MBOAT2: variants seen among roughly 807,000 people sequenced by gnomAD.
MBOAT2 encodes the protein membrane bound glycerophospholipid O-acyltransferase 2, also known as membrane-bound glycerophospholipid O-acyltransferase 2.
Under a neutral mutation model 63.4 loss-of-function variants are expected in MBOAT2, and 28 were observed. That is an observed-to-expected ratio of 0.44 (90% CI 0.33 to 0.61). The LOEUF is 0.61. Among genes scored for constraint, MBOAT2 ranks in the 20% least tolerant of loss-of-function variants. The pLI is 0.03. For missense variants in MBOAT2, 470 were observed against 605.8 expected (o/e 0.78, Z 2.35); for synonymous variants, 211 against 215.6 (o/e 0.98, Z 0.19).
chr2:8,964,604 T>C (rs1208886309), intron 1 of MBOAT2, among the ~76,000 whole-genome samples: 2 of 151,984 alleles, frequency 1.3e-5, no homozygotes, highest in African/African-American at 4.8e-5. Flanking sequence ...TATTTACTCA[T>C]CTTGTGTATT....
At chr2:8,950,016 C>G (rs536005177) in intron 2 of MBOAT2, among the ~76,000 whole-genome samples, 1 of 152,254 alleles carries the variant, frequency 6.6e-6, no homozygotes, top group Admixed American at 6.5e-5. Flanking sequence ...TGAAGCTCTC[C>G]TTGTAAAGAT....
chr2:8,954,278 C>T (rs935746025), intron 2 of MBOAT2, among the ~76,000 whole-genome samples: 1 of 152,134 alleles, frequency 6.6e-6, no homozygotes, highest in African/African-American at 2.4e-5. Flanking sequence ...AAGCCAGCTG[C>T]AGCCAACATA....
chr2:8,865,461 A>C (rs923824933), intron 9 of MBOAT2, among the ~76,000 whole-genome samples: 24 of 152,110 alleles, frequency 1.6e-4, no homozygotes, highest in South Asian at 4.2e-4. Flanking sequence ...CTTTAGGGCC[A>C]ATGTCTCCAC....
intron 1 of MBOAT2, among the ~76,000 whole-genome samples, chr2:8,994,824 GGA>G (rs1672160938): frequency 6.6e-6 from 1 of 152,170 alleles, no homozygotes; most frequent in African/African-American, 2.4e-5. Context: ...TGAAAAATAC[GGA>G]TCTGCCAAGC....
chr2:8,863,939 G>C (rs1661672057), intron 10 of MBOAT2, among the ~76,000 whole-genome samples: 1 of 152,184 alleles, frequency 6.6e-6, no homozygotes, highest in Admixed American at 6.5e-5. Flanking sequence ...GGAGGCTTGA[G>C]AGGGCAGGAT....
At chr2:8,904,070 G>A (rs1364528670) in intron 4 of MBOAT2, among the ~76,000 whole-genome samples, 1 of 151,820 alleles carries the variant, frequency 6.6e-6, no homozygotes, top group Non-Finnish European at 1.5e-5. Flanking sequence ...TCCACCTCCT[G>A]GGTTCCAGTG....
intron 1 of MBOAT2, among the ~76,000 whole-genome samples, chr2:9,001,142 TGCCTTCTGGAATATTTCCTGAAG>T (rs1316320211): frequency 1.3e-5 from 2 of 152,076 alleles, no homozygotes; most frequent in Non-Finnish European, 2.9e-5. Flanking sequence ...ACAATAACAA[TGCCTTCTGGAATATTTCCTGAAG>T]GCCCTGCCTC....
At chr2:8,939,246 G>A (rs1378248430) in intron 3 of MBOAT2, among the ~76,000 whole-genome samples, 2 of 152,152 alleles carry the variant, frequency 1.3e-5, no homozygotes, top group Non-Finnish European at 2.9e-5. Context: ...TTTGCACTCT[G>A]GCACAGCCAC....
In MBOAT2 at chr2:8,960,111, C is replaced by G. The variant is rs532644666; in HGVS notation, c.76-1469G>C. On this transcript the variant is annotated intron_variant, in intron 1 of 12. Coordinates refer to ENST00000305997, the MANE Select transcript of MBOAT2 (RefSeq NM_138799.4). ...AAGCAAAATGTCTTTCCAAAAGGTTCTAATACTTCCTGCCTTCTAAAGGGT... is the reference window on the plus strand; with the variant it reads ...AAGCAAAATGTCTTTCCAAAAGGTTGTAATACTTCCTGCCTTCTAAAGGGT... Among the ~76,000 whole-genome samples, 3 of 152,252 alleles carry G rather than the reference C, an allele frequency of 2.0e-5. No homozygotes were observed. In the South Asian group the frequency reaches 6.2e-4, roughly 32 times the overall value.
At chr2:8,971,829 C>A (rs564801304) in intron 1 of MBOAT2, among the ~76,000 whole-genome samples, 78 of 152,230 alleles carry the variant, frequency 5.1e-4, no homozygotes, top group African/African-American at 1.9e-3. Context: ...AGGACCTCTT[C>A]AAGGAGAACT....
intron 3 of MBOAT2, among the ~76,000 whole-genome samples, chr2:8,927,849 G>A (rs959879511): frequency 2.6e-5 from 4 of 152,196 alleles, no homozygotes; most frequent in African/African-American, 7.2e-5. Context: ...CTTTTCTCAT[G>A]CTGCTACAAA....
At chr2:8,901,658 T>C (rs1664937618) in intron 4 of MBOAT2, among the ~76,000 whole-genome samples, 5 of 152,184 alleles carry the variant, frequency 3.3e-5, no homozygotes, top group African/African-American at 1.2e-4. Context: ...GCTTCAGGAA[T>C]AGTTTTTGTT....
At position 8,855,567 on chromosome 2, in the gene MBOAT2, C is replaced by T. The variant is rs1196723136; in HGVS notation, c.*3112G>A. On this transcript the variant is annotated 3_prime_UTR_variant, in exon 13 of 13. Transcript: ENST00000305997. ...TAGTGGCTAATAAGAGAAGTGGTCA[C>T]CAGACATTTTTGAAGCCAAATAAAT... 1 of 152,142 alleles carries T rather than the reference C, an allele frequency of 6.6e-6. No individual in the cohort carries two copies. Among genetic ancestry groups the T allele is most frequent in the Non-Finnish European group, 1.5e-5 (1 of 68,028 alleles). The allele number at this position is 152,142 out of a possible 1,614,324, so 9.4% of individuals were successfully genotyped here.
intron 4 of MBOAT2, 141 bp downstream of exon 4, chr2:8,908,480 T>C: frequency 1.7e-6 from 1 of 576,648 alleles, no homozygotes; most frequent in Non-Finnish European, 3.1e-6. Flanking sequence ...AGAGAGAAAT[T>C]CTAAATTTAG....
intron 1 of MBOAT2, among the ~76,000 whole-genome samples, chr2:8,978,754 A>T (rs937520504): frequency 6.6e-6 from 1 of 152,084 alleles, no homozygotes; most frequent in Non-Finnish European, 1.5e-5. Context: ...AGGTGCAGCA[A>T]ACTACCATGG....
At chr2:8,878,100 G>A (rs1662829371) in intron 6 of MBOAT2, among the ~76,000 whole-genome samples, 2 of 152,284 alleles carry the variant, frequency 1.3e-5, no homozygotes, top group East Asian at 3.9e-4. Context: ...TGGAGGAGGG[G>A]GCAGATGCTC....
intron 1 of MBOAT2, among the ~76,000 whole-genome samples, chr2:8,985,187 T>G (rs1671474657): frequency 6.7e-6 from 1 of 150,028 alleles, no homozygotes; most frequent in Admixed American, 6.7e-5. Flanking sequence ...TAGCTGAGAG[T>G]TAGGTCAGAC....
At chr2:8,983,395 A>C (rs908895063) in intron 1 of MBOAT2, among the ~76,000 whole-genome samples, 3 of 152,146 alleles carry the variant, frequency 2.0e-5, no homozygotes, top group African/African-American at 7.2e-5. Context: ...TGTTAACGAA[A>C]CACTTTGGAA....
At chr2:8,868,338 A>G (rs1212274314) in intron 9 of MBOAT2, 108 bp downstream of exon 9, 2 of 858,796 alleles carry the variant, frequency 2.3e-6, no homozygotes, top group Admixed American at 4.7e-5. Flanking sequence ...ATGAGTGTTA[A>G]TATTAAAAAA....
Sources: gnomAD v4.1 joint callset for allele counts (sites outside exome capture counted in the v4.1 genomes callset) on GRCh38, gnomAD v4.1.1 for gene constraint, MANE v1.5 for transcripts, NCBI Gene and HGNC (gene_info 2026-07-23, HGNC 2026-07-21) for gene names.